The following PUM3 variants were observed in gnomAD, a reference collection of about 807,000 sequenced individuals.
PUM3 encodes pumilio RNA binding family member 3, also known as pumilio homolog 3.
In PUM3, 91 loss-of-function variants were observed where a neutral mutation model predicts 84.0. That is an observed-to-expected ratio of 1.08 (90% confidence interval 0.91 to 1.29). The LOEUF (loss-of-function observed/expected upper bound fraction) is 1.29, where lower values mean the gene tolerates loss of function less well. Among genes scored for constraint, PUM3 ranks in the 50% most tolerant of loss-of-function variants. The pLI, the probability that PUM3 is intolerant of heterozygous loss-of-function variation, is 0.00. For synonymous variants in PUM3, 321 were observed against 266.7 expected (o/e 1.20, Z -1.98); for missense variants, 1,067 against 767.5 (o/e 1.39, Z -4.61).
chr9:2,822,345 C>G (rs368472260), intron 12 of PUM3, among the ~76,000 whole-genome samples: 1 of 151,980 alleles, frequency 6.6e-6, no homozygotes, highest in East Asian at 1.9e-4. Flanking sequence ...GGCCATAAAA[C>G]AGGTCTCAGT....
chr9:2,820,201 C>CAAA (rs58442595), intron 12 of PUM3, 103 bp from the exon 13 acceptor site: 30 of 150,718 alleles, frequency 2.0e-4, no homozygotes, highest in Non-Finnish European at 2.6e-4. Context: ...AGACTCCGCT[C>CAAA]AAAAAAAAAA....
intron 15 of PUM3, 75 bp from the exon 16 acceptor site, chr9:2,810,506 A>T: frequency 9.9e-7 from 1 of 1,011,818 alleles, no homozygotes; most frequent in Non-Finnish European, 1.5e-6. Flanking sequence ...AATACATACT[A>T]TTTATGCCAC....
intron 12 of PUM3, among the ~76,000 whole-genome samples, chr9:2,823,094 G>C (rs1367680075): frequency 2.6e-5 from 4 of 151,760 alleles, no homozygotes; most frequent in Admixed American, 2.6e-4. Flanking sequence ...AATATATAAA[G>C]TATAACTCAA....
At chr9:2,831,435 G>C (rs1815977059) in intron 5 of PUM3, 91 bp from the exon 6 acceptor site, 2 of 800,454 alleles carry the variant, frequency 2.5e-6, no homozygotes, top group Non-Finnish European at 2.1e-6. Context: ...TTTCTTGTTA[G>C]AAAAAAAGGT....
intron 8 of PUM3, 115 bp from the exon 9 acceptor site, chr9:2,828,893 A>G (rs529475770): frequency 2.9e-6 from 2 of 689,548 alleles, no homozygotes; most frequent in Non-Finnish European, 5.1e-6. Context: ...AAGATTTCCC[A>G]TATTTACATA....
In PUM3 at chr9:2,838,510, T is replaced by G. The variant is rs754016315; in HGVS notation, c.-3A>C. 1 of 1,612,310 alleles carries G rather than the reference T, an allele frequency of 6.2e-7. No homozygotes were observed. The highest frequency in any genetic ancestry group is 1.1e-5 in the South Asian group (1 of 91,018). On this transcript the variant is annotated 5_prime_UTR_variant, in exon 2 of 18. Transcript: ENST00000397885. The stretch of plus-strand genomic sequence containing the variant: ...TGCTTTTTCCCTTTAACTTCCATCG[T>G]AGCAACTCTGGAAAACCAAAACCAA...
At chr9:2,842,495 G>A in intron 1 of PUM3, among the ~76,000 whole-genome samples, 1 of 152,108 alleles carries the variant, frequency 6.6e-6, no homozygotes, top group East Asian at 1.9e-4. Flanking sequence ...GAAGTTTAAA[G>A]CCATTCTCTC....
At chr9:2,810,309 T>A (rs367934324) in intron 16 of PUM3, 35 bp downstream of exon 16, 3 of 1,350,078 alleles carry the variant, frequency 2.2e-6, no homozygotes, top group South Asian at 2.3e-5. Context: ...GAATTCCACA[T>A]GAGATACAAG....
In PUM3 at chr9:2,831,425, TTTC is replaced by T. The variant is rs903863393; in HGVS notation, c.517-84_517-82del. 6 of 879,136 alleles carry T rather than the reference TTTC, an allele frequency of 6.8e-6. No homozygotes were observed. In the African/African-American group the frequency reaches 6.8e-5, roughly 10 times the overall value. 54.5% of individuals were successfully genotyped at this position (879,136 alleles called of 1,614,324 possible). On this transcript the variant is annotated intron_variant, in intron 5 of 17. Transcript: ENST00000397885. Reference sequence around the variant, plus strand: ...TAATTTATTGTGACCTCTTCTGGAATTTCTTGTTAGAAAAAAAGGTAGTCTTCA... The same window carrying T: ...TAATTTATTGTGACCTCTTCTGGAATTTGTTAGAAAAAAAGGTAGTCTTCA...
intron 5 of PUM3, among the ~76,000 whole-genome samples, chr9:2,831,938 T>A (rs1172594676): frequency 6.6e-6 from 1 of 152,234 alleles, no homozygotes. Flanking sequence ...GTGTTTTGAA[T>A]CTGATTCTCT....
rs544948881 is a variant in PUM3 at position 2,808,200 on chromosome 9, G to C, written c.1724-296C>G. Among the ~76,000 whole-genome samples, 5 of 152,270 alleles carry C rather than the reference G, an allele frequency of 3.3e-5. No homozygotes were observed. In the South Asian group the frequency reaches 1.0e-3, roughly 32 times the overall value. ...CACTTGGTTATGTCTGCACTTCTTT[G>C]TATTATTTAATGATTTAACTTTGAC... is the stretch of plus-strand genomic sequence containing the variant. On this transcript the variant is annotated intron_variant, in intron 16 of 17. Transcript: ENST00000397885.
intron 1 of PUM3, 113 bp downstream of exon 1, chr9:2,843,932 A>C (rs1432151397): frequency 6.5e-6 from 1 of 153,162 alleles, no homozygotes; most frequent in Non-Finnish European, 1.5e-5. Context: ...GCCCAGAAAG[A>C]GGCCAGAGGA....
At chr9:2,828,352 T>G (rs1345397856) in intron 9 of PUM3, 1 of 214,616 alleles carries the variant, frequency 4.7e-6, no homozygotes, top group South Asian at 8.4e-5. Context: ...ACAACCAAAT[T>G]TGAGTAACAG....
At chr9:2,841,910 G>C (rs1816277958) in intron 1 of PUM3, among the ~76,000 whole-genome samples, 1 of 152,148 alleles carries the variant, frequency 6.6e-6, no homozygotes, top group African/African-American at 2.4e-5. Context: ...TTCAACAAAT[G>C]GCTAAGACTC....
chr9:2,843,305 G>C (rs562002647), intron 1 of PUM3, among the ~76,000 whole-genome samples: 35 of 152,132 alleles, frequency 2.3e-4, no homozygotes, highest in Middle Eastern at 3.4e-3. Context: ...GCCTCTGCTT[G>C]AAGTACTCCC....
chr9:2,810,140 A>T (rs1008757503), intron 16 of PUM3, among the ~76,000 whole-genome samples: 7 of 152,066 alleles, frequency 4.6e-5, no homozygotes, highest in African/African-American at 1.7e-4. Flanking sequence ...GAAAAAAGAA[A>T]ATTAAAAGAG....
At chr9:2,810,182 G>C (rs576973156) in intron 16 of PUM3, among the ~76,000 whole-genome samples, 162 bp downstream of exon 16, 1 of 152,200 alleles carries the variant, frequency 6.6e-6, no homozygotes, top group Non-Finnish European at 1.5e-5. Flanking sequence ...AGGGGAAAAA[G>C]CATTACCAGC....
At chr9:2,837,107 T>C (rs1334849668) in intron 3 of PUM3, 73 bp downstream of exon 3, 2 of 1,283,202 alleles carry the variant, frequency 1.6e-6, no homozygotes, top group African/African-American at 1.5e-5. Context: ...ATGTGAGGTT[T>C]CTAACGCACC....
At chr9:2,805,905 T>TA (rs1365446358) in intron 17 of PUM3, among the ~76,000 whole-genome samples, 1 of 152,202 alleles carries the variant, frequency 6.6e-6, no homozygotes, top group African/African-American at 2.4e-5. Flanking sequence ...TCCCAAATGT[T>TA]AGAGAATTCT....
Sources: allele counts gnomAD v4.1 joint callset (sites outside exome capture counted in the v4.1 genomes callset), GRCh38; gene constraint gnomAD v4.1.1; transcripts MANE v1.5; gene names NCBI Gene and HGNC (gene_info 2026-07-23, HGNC 2026-07-21).